Variants in DCX observed in about 807,000 individuals in gnomAD.
DCX encodes the protein neuronal migration protein doublecortin.
Under a neutral mutation model 20.9 loss-of-function variants are expected in DCX, and 4 were observed. The ratio of observed to expected loss-of-function variants is 0.19; its 90% CI spans 0.09 to 0.44. DCX has a LOEUF of 0.44. Ranked by LOEUF, DCX falls within the 20% of genes least tolerant of loss-of-function variation. The pLI, the probability that DCX is intolerant of heterozygous loss-of-function variation, is 0.99. For missense variants in DCX, 133 were observed against 296.9 expected, an observed-to-expected ratio of 0.45 and a Z score of 4.06; for synonymous variants, 103 against 111.4, an observed-to-expected ratio of 0.92 and a Z score of 0.47.
intron 3 of DCX, among the ~76,000 whole-genome samples, chrX:111,337,050 T>C (rs961949140): frequency 1.8e-5 from 2 of 112,269 alleles, no homozygotes; most frequent in Non-Finnish European, 3.8e-5. Flanking sequence ...TTTTTAAAAT[T>C]CTATGGAGGT....
intron 6 of DCX, among the ~76,000 whole-genome samples, chrX:111,308,022 A>T (rs1445503556): frequency 8.9e-6 from 1 of 112,102 alleles, no homozygotes; most frequent in Non-Finnish European, 1.9e-5. Context: ...ACTTCTGAAC[A>T]CTGTATCTCC....
chrX:111,391,242 C>G (rs1017756644), intron 3 of DCX, among the ~76,000 whole-genome samples: 1 of 110,566 alleles, frequency 9.0e-6, no homozygotes, highest in South Asian at 3.9e-4. Flanking sequence ...TTGGCACTTC[C>G]CCATTGCTCT....
At chrX:111,358,330 T>C (rs184390357) in intron 3 of DCX, among the ~76,000 whole-genome samples, 242 of 111,888 alleles carry the variant, frequency 2.2e-3, no homozygotes, top group Admixed American at 0.02. Context: ...TTGAGAGGAA[T>C]GTTGACAAAA....
chrX:111,376,184 A>G (rs1398690688), intron 3 of DCX, among the ~76,000 whole-genome samples: 1 of 111,998 alleles, frequency 8.9e-6, no homozygotes, highest in Non-Finnish European at 1.9e-5. Context: ...GTTCAAAACA[A>G]CTTAAGCAGA....
At chrX:111,410,492 AG>A (rs1206608506) in intron 1 of DCX, 72 bp from the exon 2 acceptor site, 14 of 1,164,402 alleles carry the variant, frequency 1.2e-5, no homozygotes, top group Non-Finnish European at 1.6e-5. Flanking sequence ...GGAAAAAAGA[AG>A]GGATTTTAAA....
intron 6 of DCX, among the ~76,000 whole-genome samples, chrX:111,305,758 T>G (rs889505408): frequency 9.0e-6 from 1 of 110,828 alleles, no homozygotes; most frequent in African/African-American, 3.3e-5. Flanking sequence ...GGACTTACTA[T>G]GTATAAAGAT....
In DCX at chrX:111,300,211, T is replaced by C. The variant is rs760230275; in HGVS notation, c.*1476A>G. The C allele has an allele frequency of 2.7e-5, 3 of 112,217 alleles. No homozygotes were observed. The highest frequency in any genetic ancestry group is 9.5e-5 in the Admixed American group (1 of 10,568). The allele number at this position is 112,217 out of a possible 1,213,427, so 9.2% of individuals were successfully genotyped here. A position where few individuals can be genotyped will look rare whatever the true frequency, so the allele number is the denominator to read the frequency against. The stretch of plus-strand genomic sequence containing the variant: ...AAACACAGAATTGGCATGCATGACC[T>C]TCACTTAAATTTAGTTGTCTTTGCC... On this transcript the variant is annotated 3_prime_UTR_variant, in exon 7 of 7. Coordinates refer to ENST00000636035, the MANE Select transcript of DCX (RefSeq NM_001195553.2).
intron 3 of DCX, among the ~76,000 whole-genome samples, chrX:111,394,343 G>A (rs1367784883): frequency 9.0e-6 from 1 of 111,634 alleles, no homozygotes; most frequent in Non-Finnish European, 1.9e-5. Flanking sequence ...TGGAATCGGA[G>A]AACTAGAGGG....
chrX:111,368,842 AC>A (rs1924833898), intron 3 of DCX, among the ~76,000 whole-genome samples: 1 of 109,578 alleles, frequency 9.1e-6, no homozygotes, highest in African/African-American at 3.3e-5. Flanking sequence ...CAATTCAAAT[AC>A]TGGATTAATC....
At chrX:111,404,217 T>A (rs977298753) in intron 2 of DCX, among the ~76,000 whole-genome samples, 1 of 108,366 alleles carries the variant, frequency 9.2e-6, no homozygotes, top group Non-Finnish European at 1.9e-5. Flanking sequence ...GAGGAAAAAA[T>A]TGCTGAGAGA....
chrX:111,319,239 G>C (rs143844444), intron 5 of DCX, among the ~76,000 whole-genome samples: 3,045 of 111,880 alleles, frequency 0.027, 113 homozygotes, highest in African/African-American at 0.094. Context: ...GGTTGGTTAA[G>C]ACTGAGGGTA....
At chrX:111,411,074 G>A (rs1462867512) in intron 1 of DCX, 1 of 740,003 alleles carries the variant, frequency 1.4e-6, no homozygotes, top group Admixed American at 2.4e-5. Flanking sequence ...GGAACAGCCA[G>A]TGTCTTTGTG....
chrX:111,406,044 C>T (rs1428406397), intron 2 of DCX, among the ~76,000 whole-genome samples: 5 of 112,190 alleles, frequency 4.5e-5, no homozygotes, highest in Non-Finnish European at 9.4e-5. Flanking sequence ...GTGTTCTATG[C>T]TCTATTATTC....
Position 111,305,768 on chromosome X carries a change from T to G in DCX, c.1045-4025A>C, listed in dbSNP as rs751707137. Among the ~76,000 whole-genome samples, 57 of 110,811 alleles carry G rather than the reference T, an allele frequency of 5.1e-4. No individual in the cohort carries two copies. In the South Asian group the frequency reaches 0.021, roughly 41 times the overall value. On this transcript the variant is annotated intron_variant, in intron 6 of 6. Coordinates refer to ENST00000636035, the MANE Select transcript of DCX (RefSeq NM_001195553.2). ...TTGATGGACTTACTATGTATAAAGA[T>G]GTAATTTGTATGTCAGTAGGAGAAA...
chrX:111,411,409 C>T (rs748876922), intron 1 of DCX, among the ~76,000 whole-genome samples: 2 of 110,013 alleles, frequency 1.8e-5, no homozygotes, highest in South Asian at 8.2e-4. Flanking sequence ...TGACATTTAC[C>T]CTCACAGCAG....
intron 2 of DCX, among the ~76,000 whole-genome samples, chrX:111,402,892 C>T (rs760674684): frequency 7.4e-5 from 8 of 108,569 alleles, no homozygotes; most frequent in Admixed American, 4.0e-4. Context: ...TCCCAGAGTT[C>T]TATCTTGACA....
intron 3 of DCX, among the ~76,000 whole-genome samples, chrX:111,367,167 C>G (rs149856048): frequency 0.074 from 8,212 of 111,664 alleles, 777 homozygotes; most frequent in African/African-American, 0.25. Context: ...ATCTTTGTCT[C>G]TCTGGTTCTT....
chrX:111,332,587 G>A (rs939498104), intron 4 of DCX, among the ~76,000 whole-genome samples: 1 of 111,614 alleles, frequency 9.0e-6, no homozygotes, highest in Admixed American at 9.5e-5. Flanking sequence ...CAGACGAATG[G>A]GGCAGCAAGT....
At chrX:111,329,081 G>C (rs1750350656) in intron 5 of DCX, among the ~76,000 whole-genome samples, 1 of 112,249 alleles carries the variant, frequency 8.9e-6, no homozygotes. Context: ...ATTATTGCCA[G>C]ACTTTATTAA....
Sources: allele counts gnomAD v4.1 joint callset (sites outside exome capture counted in the v4.1 genomes callset), GRCh38; gene constraint gnomAD v4.1.1; transcripts MANE v1.5; gene names NCBI Gene and HGNC (gene_info 2026-07-23, HGNC 2026-07-21).